Variants in AFF3 observed in about 807,000 individuals in gnomAD.
AFF3 encodes AF4/FMR2 family member 3.
AFF3 carries 32 observed loss-of-function variants against 129.7 expected under a neutral mutation model. The ratio of observed to expected loss-of-function variants is 0.25; its 90% CI spans 0.19 to 0.33. The LOEUF is 0.33. AFF3 is among the 10% of genes least tolerant of loss of function. The probability of loss-of-function intolerance (pLI) is 1.00; values close to 1 mark genes in which losing one functional copy is unlikely to be tolerated. For synonymous variants in AFF3, 644 were observed against 635.4 expected (o/e 1.01, Z -0.20); for missense variants, 1,373 against 1,592.0 (o/e 0.86, Z 2.34).
chr2:99,649,261 T>C (rs1250445871), intron 13 of AFF3, among the ~76,000 whole-genome samples: 1 of 152,210 alleles, frequency 6.6e-6, no homozygotes, highest in South Asian at 2.1e-4. Flanking sequence ...TGAAATGATA[T>C]GGAAAAAGTC....
chr2:99,935,430 G>GTTAT (rs1674436908), intron 7 of AFF3, among the ~76,000 whole-genome samples: 1 of 152,144 alleles, frequency 6.6e-6, no homozygotes, highest in South Asian at 2.1e-4. Flanking sequence ...AAGGGAGAGG[G>GTTAT]GAGCAGGTAT....
At chr2:100,085,645 T>C (rs866031773) in intron 4 of AFF3, among the ~76,000 whole-genome samples, 7,460 of 149,692 alleles carry the variant, frequency 0.05, 271 homozygotes, top group Non-Finnish European at 0.077. Flanking sequence ...GACTACACCA[T>C]AGAAATAAGC....
At position 100,130,336 on chromosome 2, in the gene AFF3, G is replaced by T. The variant is rs1160825043; in HGVS notation, c.-227-1030C>A. Among the ~76,000 whole-genome samples, 4 of 152,168 alleles carry T rather than the reference G, an allele frequency of 2.6e-5. No homozygotes were observed. The East Asian group carries it at 5.8e-4, about 22-fold the overall frequency. ...CCAGCTCCACGTTTCTGCACCCCAG[G>T]TTTCTGCCAGACCAGATACTCACCT... is the stretch of plus-strand genomic sequence containing the variant. On this transcript the variant is annotated intron_variant, in intron 1 of 24. Transcript: ENST00000672756.
intron 10 of AFF3, among the ~76,000 whole-genome samples, chr2:99,728,321 G>C (rs1181323834): frequency 1.3e-5 from 2 of 152,152 alleles, no homozygotes; most frequent in African/African-American, 2.4e-5. Context: ...CAAGAAATAG[G>C]ACTGTGGTAG....
chr2:99,619,311 A>G (rs1183615834), intron 13 of AFF3, among the ~76,000 whole-genome samples: 2 of 152,256 alleles, frequency 1.3e-5, no homozygotes, highest in East Asian at 3.8e-4. Flanking sequence ...GATGAGCGAA[A>G]AAGATTTTTA....
At chr2:99,659,386 C>T (rs1020290057) in intron 12 of AFF3, among the ~76,000 whole-genome samples, 1 of 152,162 alleles carries the variant, frequency 6.6e-6, no homozygotes, top group Non-Finnish European at 1.5e-5. Flanking sequence ...GGCTGAGCTG[C>T]TAGGAGATAC....
At position 99,632,889 on chromosome 2, in the gene AFF3, G is replaced by C. The variant is rs115442744; in HGVS notation, c.1184+16737C>G. 3.4e-3 allele frequency among the ~76,000 whole-genome samples: 516 copies of C among 152,286 alleles called. 2 individuals are homozygous for C. Among genetic ancestry groups the C allele is most frequent in the African/African-American group, 0.012 (494 of 41,562 alleles). On this transcript the variant is annotated intron_variant, in intron 13 of 24. Transcript: ENST00000672756. ...TACTATTGTACACCTTATCACATCA[G>C]TCACCATTTGAAAGAAGTCACCAGC...
intron 7 of AFF3, among the ~76,000 whole-genome samples, chr2:99,950,036 A>AT (rs1157153293): frequency 6.6e-6 from 1 of 152,140 alleles, no homozygotes; most frequent in Non-Finnish European, 1.5e-5. Flanking sequence ...CTACTCTTCT[A>AT]TTTTCCCTAG....
intron 8 of AFF3, among the ~76,000 whole-genome samples, chr2:99,766,231 C>G (rs1047565112): frequency 6.6e-6 from 1 of 152,250 alleles, no homozygotes; most frequent in African/African-American, 2.4e-5. Flanking sequence ...TCTGGTTTAC[C>G]AGAGGGAAGG....
intron 8 of AFF3, among the ~76,000 whole-genome samples, chr2:99,793,074 G>T (rs2105455682): frequency 6.6e-6 from 1 of 152,260 alleles, no homozygotes; most frequent in Non-Finnish European, 1.5e-5. Flanking sequence ...TGGAGGTGGG[G>T]CCTATTGAGA....
chr2:99,648,718 T>C (rs983093148), intron 13 of AFF3, among the ~76,000 whole-genome samples: 13 of 151,816 alleles, frequency 8.6e-5, no homozygotes, highest in African/African-American at 3.1e-4. Context: ...GCTCATTCCA[T>C]GAAAAAGGAA....
intron 13 of AFF3, among the ~76,000 whole-genome samples, chr2:99,635,222 A>C (rs764944010): frequency 5.9e-5 from 9 of 151,802 alleles, no homozygotes; most frequent in South Asian, 2.1e-4. Context: ...ATATACACAT[A>C]TCTATGTATA....
intron 7 of AFF3, among the ~76,000 whole-genome samples, chr2:99,862,197 T>C (rs188328413): frequency 1.7e-4 from 26 of 152,312 alleles, no homozygotes; most frequent in African/African-American, 6.3e-4. Flanking sequence ...CTATTTTTTT[T>C]CCTAAAAGCT....
At position 100,053,519 on chromosome 2, in the gene AFF3, C is replaced by G. The variant is rs76798951; in HGVS notation, c.54-44587G>C. 6.2e-4 allele frequency among the ~76,000 whole-genome samples: 94 copies of G among 152,318 alleles called. 2 individuals carry two copies. The East Asian group carries it at 0.017, about 28-fold the overall frequency. On this transcript the variant is annotated intron_variant, in intron 4 of 24. Coordinates refer to ENST00000672756, the MANE Select transcript of AFF3 (RefSeq NM_001386135.1). ...TGTGTAGCTTGCCTTTCATAGTTGT[C>G]TTTTAGACCAGGAAAGATAATGTAT...
chr2:99,956,184 T>C (rs894074841), intron 7 of AFF3, among the ~76,000 whole-genome samples: 5 of 151,714 alleles, frequency 3.3e-5, no homozygotes, highest in Non-Finnish European at 7.4e-5. Context: ...AAGATACCCC[T>C]GGCACAAGCG....
At chr2:99,932,836 T>G (rs571331196) in intron 7 of AFF3, among the ~76,000 whole-genome samples, 3 of 152,224 alleles carry the variant, frequency 2.0e-5, no homozygotes, top group Non-Finnish European at 4.4e-5. Context: ...CGTGACCCCA[T>G]AGACTTCTCC....
chr2:100,019,033 G>A (rs935458704), intron 4 of AFF3, among the ~76,000 whole-genome samples: 2 of 152,152 alleles, frequency 1.3e-5, no homozygotes, highest in Non-Finnish European at 2.9e-5. Context: ...TTTTAACCAT[G>A]ATGCCCTTCC....
At chr2:99,923,181 T>C (rs900156842) in intron 7 of AFF3, among the ~76,000 whole-genome samples, 1 of 152,162 alleles carries the variant, frequency 6.6e-6, no homozygotes, top group African/African-American at 2.4e-5. Context: ...CCATTCTAGA[T>C]AAGATACACC....
At chr2:99,919,855 C>A (rs1357452707) in intron 7 of AFF3, among the ~76,000 whole-genome samples, 1 of 151,614 alleles carries the variant, frequency 6.6e-6, no homozygotes, top group Admixed American at 6.6e-5. Context: ...GAGAGAAAAC[C>A]AAAGTTACCA....
Sources: allele counts gnomAD v4.1 joint callset (sites outside exome capture counted in the v4.1 genomes callset), GRCh38; gene constraint gnomAD v4.1.1; transcripts MANE v1.5; gene names NCBI Gene and HGNC (gene_info 2026-07-23, HGNC 2026-07-21).